Variants in RIGI observed in about 807,000 individuals in gnomAD.
RIGI encodes antiviral innate immune response receptor RIG-I.
At chr9:32,484,827 G>C in the RIGI span, among the ~76,000 whole-genome samples, 2 of 152,110 alleles carry the variant, frequency 1.3e-5, no homozygotes, top group African/African-American at 4.8e-5. Context: ...ATTGTCCCTA[G>C]ATATAAATCT....
At chr9:32,483,624 A>G in the RIGI span, among the ~76,000 whole-genome samples, 1 of 151,806 alleles carries the variant, frequency 6.6e-6, no homozygotes, top group African/African-American at 2.4e-5. Flanking sequence ...CCCATACTCT[A>G]CCCAGTGGTT....
At chr9:32,486,289 TA>T in the RIGI span, among the ~76,000 whole-genome samples, 10 of 151,642 alleles carry the variant, frequency 6.6e-5, no homozygotes, top group Admixed American at 1.3e-4. Flanking sequence ...CTGTCTGTAC[TA>T]AAAATACAAA....
At chr9:32,467,498 C>T in the RIGI span, among the ~76,000 whole-genome samples, 18 of 152,182 alleles carry the variant, frequency 1.2e-4, no homozygotes, top group Admixed American at 1.0e-3. Flanking sequence ...ACTGGCAAAG[C>T]TTCAATCCAA....
At chr9:32,472,532 G>A in the RIGI span, among the ~76,000 whole-genome samples, 4 of 152,208 alleles carry the variant, frequency 2.6e-5, no homozygotes, top group Admixed American at 2.6e-4. Context: ...TCAAAAGAGA[G>A]TTCACTCCAG....
At chr9:32,492,380 C>G in the RIGI span, 4 of 1,613,946 alleles carry the variant, frequency 2.5e-6, no homozygotes, top group Non-Finnish European at 3.4e-6. Context: ...GAGGAGGGTA[C>G]AGTGTCTTAC....
the RIGI span, among the ~76,000 whole-genome samples, chr9:32,508,332 C>T: frequency 1.4e-5 from 2 of 140,072 alleles, no homozygotes; most frequent in East Asian, 2.1e-4. Context: ...GGAACAGCTC[C>T]GGTCTGCAGC....
At chr9:32,482,514 T>C in the RIGI span, among the ~76,000 whole-genome samples, 1 of 151,942 alleles carries the variant, frequency 6.6e-6, no homozygotes. Context: ...CCTTTAAAAA[T>C]GAAGAAGTAA....
At chr9:32,502,329 TTA>T in the RIGI span, among the ~76,000 whole-genome samples, 1 of 152,248 alleles carries the variant, frequency 6.6e-6, no homozygotes, top group Admixed American at 6.5e-5. Context: ...ATGAGCAATT[TTA>T]TGTGACGATG....
the RIGI span, among the ~76,000 whole-genome samples, chr9:32,462,400 C>G: frequency 7.6e-6 from 1 of 132,276 alleles, no homozygotes. Context: ...AAAATTAGAT[C>G]TAGCTTTTTT....
chr9:32,526,052 G>A, the RIGI span: 1 of 1,604,286 alleles, frequency 6.2e-7, no homozygotes, highest in Non-Finnish European at 8.5e-7. Context: ...CGCCGCTGGA[G>A]ACACTCACCC....
At chr9:32,501,325 CAAAAAA>C in the RIGI span, among the ~76,000 whole-genome samples, 92 of 121,856 alleles carry the variant, frequency 7.5e-4, 1 homozygote, top group African/African-American at 1.9e-3. Context: ...CCAGCCTCTA[CAAAAAA>C]AAAAAAAAAA....
At chr9:32,521,496 C>T in the RIGI span, among the ~76,000 whole-genome samples, 1 of 152,104 alleles carries the variant, frequency 6.6e-6, no homozygotes, top group African/African-American at 2.4e-5. Context: ...GACCTGTGAT[C>T]CTATTTTGTG....
At chr9:32,489,858 A>T in the RIGI span, among the ~76,000 whole-genome samples, 2 of 152,242 alleles carry the variant, frequency 1.3e-5, no homozygotes, top group African/African-American at 4.8e-5. Context: ...ATTTCTTATT[A>T]AGGAGCAATA....
chr9:32,514,766 C>G, the RIGI span, among the ~76,000 whole-genome samples: 1 of 152,094 alleles, frequency 6.6e-6, no homozygotes, highest in Non-Finnish European at 1.5e-5. Flanking sequence ...CCTTTGTGGA[C>G]AAATTTATAA....
the RIGI span, among the ~76,000 whole-genome samples, chr9:32,485,828 C>T: frequency 2.6e-5 from 4 of 152,070 alleles, no homozygotes; most frequent in Admixed American, 1.3e-4. Flanking sequence ...CGTGATCCAC[C>T]GCACCCGGCC....
chr9:32,510,818 T>C, the RIGI span, among the ~76,000 whole-genome samples: 1 of 152,022 alleles, frequency 6.6e-6, no homozygotes, highest in Non-Finnish European at 1.5e-5. Context: ...TCAAGACCCA[T>C]TGGTGTGCTG....
the RIGI span, chr9:32,498,168 G>C: frequency 4.9e-6 from 2 of 408,960 alleles, no homozygotes; most frequent in African/African-American, 2.0e-5. Flanking sequence ...AGTGGGTCTG[G>C]CCAGTCTATG....
At chr9:32,468,795 T>G in the RIGI span, among the ~76,000 whole-genome samples, 1 of 152,168 alleles carries the variant, frequency 6.6e-6, no homozygotes, top group Non-Finnish European at 1.5e-5. Flanking sequence ...TTGGGGTGTC[T>G]GCCTCCCCAT....
At chr9:32,502,038 G>T in the RIGI span, among the ~76,000 whole-genome samples, 1 of 152,042 alleles carries the variant, frequency 6.6e-6, no homozygotes, top group Non-Finnish European at 1.5e-5. Context: ...CCTCTCCTTA[G>T]CCCCAGGCAA....
Sources: allele counts gnomAD v4.1 joint callset (sites outside exome capture counted in the v4.1 genomes callset), GRCh38; gene constraint gnomAD v4.1.1; transcripts MANE v1.5; gene names NCBI Gene and HGNC (gene_info 2026-07-23, HGNC 2026-07-21).